TENM3: variants seen among roughly 807,000 people sequenced by gnomAD.
The protein encoded by TENM3 is teneurin-3.
A neutral mutation model predicts 255.1 loss-of-function variants in TENM3; 63 were observed. The observed-to-expected ratio is 0.25, with a 90% CI of 0.20 to 0.30. The LOEUF is 0.30. Among genes scored for constraint, TENM3 ranks in the 10% least tolerant of loss-of-function variants. The pLI is 1.00. For synonymous variants in TENM3, 1,306 were observed against 1,322.3 expected (o/e 0.99, Z 0.27); for missense variants, 2,929 against 3,461.1 (o/e 0.85, Z 3.86).
At chr4:182,160,249 G>A (rs1452492953) in intron 1 of TENM3, among the ~76,000 whole-genome samples, 2 of 151,866 alleles carry the variant, frequency 1.3e-5, no homozygotes, top group Admixed American at 6.6e-5. Flanking sequence ...TGATCCGCCC[G>A]CCTCGGCCTC....
At chr4:182,541,702 G>A (rs1335736138) in intron 3 of TENM3, among the ~76,000 whole-genome samples, 1 of 152,088 alleles carries the variant, frequency 6.6e-6, no homozygotes, top group African/African-American at 2.4e-5. Context: ...AATGCTAAAA[G>A]CCAACAAGCT....
At chr4:181,732,185 A>G in the TENM3 span, among the ~76,000 whole-genome samples, 1 of 152,182 alleles carries the variant, frequency 6.6e-6, no homozygotes, top group Non-Finnish European at 1.5e-5. Context: ...TGGCTGAGAA[A>G]TGACTGGATG....
At chr4:181,845,214 T>G in the TENM3 span, among the ~76,000 whole-genome samples, 1 of 152,180 alleles carries the variant, frequency 6.6e-6, no homozygotes. Context: ...GTAAGCAGAA[T>G]TTTTTAAAAA....
intron 3 of TENM3, among the ~76,000 whole-genome samples, chr4:182,408,752 TCATC>T (rs1380433656): frequency 6.6e-6 from 1 of 152,174 alleles, no homozygotes. Flanking sequence ...GAAATAGTAT[TCATC>T]CATTCGTTCA....
chr4:181,931,883 C>G, the TENM3 span, among the ~76,000 whole-genome samples: 1 of 152,176 alleles, frequency 6.6e-6, no homozygotes, highest in African/African-American at 2.4e-5. Flanking sequence ...ACCATCTGAT[C>G]TTTGACAAAC....
At chr4:182,724,329 C>T (rs1031776305) in intron 13 of TENM3, among the ~76,000 whole-genome samples, 1 of 152,146 alleles carries the variant, frequency 6.6e-6, no homozygotes, top group African/African-American at 2.4e-5. Context: ...GGGTAATCAA[C>T]TTAGTTAATA....
chr4:182,542,550 A>G (rs2151894105), intron 3 of TENM3, among the ~76,000 whole-genome samples: 1 of 152,162 alleles, frequency 6.6e-6, no homozygotes, highest in South Asian at 2.1e-4. Flanking sequence ...GTTTTGTTAT[A>G]GTTTCCCTAT....
At chr4:182,294,194 C>CGTGG (rs775373076) in intron 1 of TENM3, among the ~76,000 whole-genome samples, 12 of 152,110 alleles carry the variant, frequency 7.9e-5, no homozygotes, top group Non-Finnish European at 1.8e-4. Flanking sequence ...AAACTTCAGT[C>CGTGG]GTGGTTGTGA....
intron 4 of TENM3, among the ~76,000 whole-genome samples, chr4:182,619,567 T>A (rs368122185): frequency 1.8e-4 from 28 of 152,024 alleles, no homozygotes; most frequent in African/African-American, 6.3e-4. Context: ...TAACGTAGAG[T>A]CATCCTTCCT....
At chr4:182,559,655 T>C (rs1742941101) in intron 3 of TENM3, among the ~76,000 whole-genome samples, 1 of 152,136 alleles carries the variant, frequency 6.6e-6, no homozygotes, top group African/African-American at 2.4e-5. Flanking sequence ...GTTTGTTGTA[T>C]TCTTTTTATA....
chr4:182,051,300 A>G, the TENM3 span, among the ~76,000 whole-genome samples: 3 of 150,222 alleles, frequency 2.0e-5, no homozygotes, highest in African/African-American at 4.9e-5. Flanking sequence ...CTGAGATTGC[A>G]CCATTGCACT....
intron 3 of TENM3, among the ~76,000 whole-genome samples, chr4:182,546,517 C>T (rs1355192060): frequency 6.6e-6 from 1 of 152,004 alleles, no homozygotes; most frequent in Non-Finnish European, 1.5e-5. Context: ...CTCACTGAAG[C>T]CTCAACCTCA....
At chr4:182,463,718 G>C (rs527250283) in intron 3 of TENM3, among the ~76,000 whole-genome samples, 33 of 151,944 alleles carry the variant, frequency 2.2e-4, no homozygotes, top group African/African-American at 7.5e-4. Flanking sequence ...CGGCCTCCTG[G>C]GTTCAAGTGA....
the TENM3 span, among the ~76,000 whole-genome samples, chr4:181,999,985 T>C: frequency 0.7 from 106,581 of 151,914 alleles, 38,034 homozygotes; most frequent in Middle Eastern, 0.79. Context: ...TCCAAACCTG[T>C]GAAAATTTTC....
the TENM3 span, among the ~76,000 whole-genome samples, chr4:181,914,351 C>T: frequency 2.0e-5 from 3 of 152,180 alleles, no homozygotes; most frequent in Non-Finnish European, 4.4e-5. Context: ...CAGGTATCTC[C>T]TCCTGTGTGA....
chr4:182,183,501 T>C (rs1752961470), intron 1 of TENM3, among the ~76,000 whole-genome samples: 1 of 152,200 alleles, frequency 6.6e-6, no homozygotes, highest in Non-Finnish European at 1.5e-5. Flanking sequence ...AGAAATAATT[T>C]CTACTCCCGT....
chr4:181,841,744 G>T, the TENM3 span, among the ~76,000 whole-genome samples: 8 of 152,150 alleles, frequency 5.3e-5, 1 homozygote, highest in African/African-American at 1.4e-4. Flanking sequence ...AGAAAATGTG[G>T]CATAAGGCTG....
At chr4:182,071,230 G>A in the TENM3 span, among the ~76,000 whole-genome samples, 3 of 152,096 alleles carry the variant, frequency 2.0e-5, no homozygotes, top group Non-Finnish European at 4.4e-5. Context: ...ACATTGCTTC[G>A]TAAACTCACA....
chr4:182,250,608 G>A (rs1181783959), intron 1 of TENM3, among the ~76,000 whole-genome samples: 3 of 152,186 alleles, frequency 2.0e-5, no homozygotes, highest in Admixed American at 6.5e-5. Flanking sequence ...TGTTTGGACA[G>A]ATCAGTGACT....
Sources: allele counts gnomAD v4.1 joint callset (sites outside exome capture counted in the v4.1 genomes callset), GRCh38; gene constraint gnomAD v4.1.1; transcripts MANE v1.5; gene names NCBI Gene and HGNC (gene_info 2026-07-23, HGNC 2026-07-21).